Variants in TRPM3 observed in about 807,000 individuals in gnomAD.
TRPM3 encodes long transient receptor potential channel 3.
TRPM3 carries 77 observed loss-of-function variants against 181.2 expected under a neutral mutation model. The observed-to-expected ratio is 0.42, with a 90% CI of 0.35 to 0.51. The LOEUF (loss-of-function observed/expected upper bound fraction) is 0.51, where lower values mean the gene tolerates loss of function less well. Among genes scored for constraint, TRPM3 ranks in the 20% least tolerant of loss-of-function variants. The pLI is 0.01. For missense variants in TRPM3, 1,759 were observed against 2,196.7 expected (o/e 0.80, Z 3.98); for synonymous variants, 745 against 796.4 (o/e 0.94, Z 1.09).
At chr9:71,082,526 A>G (rs772546629) in intron 1 of TRPM3, among the ~76,000 whole-genome samples, 3 of 152,166 alleles carry the variant, frequency 2.0e-5, no homozygotes, top group Admixed American at 6.6e-5. Flanking sequence ...TTTGATGTTA[A>G]GACATAAGTC....
chr9:71,288,094 G>A lies in TRPM3; in HGVS notation c.183+158559C>T, dbSNP rs375902006. 8.0e-4 allele frequency among the ~76,000 whole-genome samples: 122 copies of A among 151,924 alleles called. 1 individual carries two copies. The South Asian group carries it at 0.025, about 32-fold the overall frequency. On this transcript the variant is annotated intron_variant, in intron 1 of 24. Coordinates refer to the TRPM3 transcript ENST00000357533. ...GTTAAATATTTTTTGTTGGCTTGATGGAAGTTTTACAACATTTGCTTTCTT... is the reference window on the plus strand; with the variant it reads ...GTTAAATATTTTTTGTTGGCTTGATAGAAGTTTTACAACATTTGCTTTCTT...
At chr9:71,344,460 A>T (rs1052996154) in intron 1 of TRPM3, among the ~76,000 whole-genome samples, 1 of 152,166 alleles carries the variant, frequency 6.6e-6, no homozygotes, top group Non-Finnish European at 1.5e-5. Context: ...CAAAAAAAAA[A>T]AATTAACTGG....
intron 9 of TRPM3, among the ~76,000 whole-genome samples, chr9:70,645,792 G>A (rs1457744745): frequency 1.3e-5 from 2 of 151,818 alleles, no homozygotes; most frequent in African/African-American, 4.8e-5. Context: ...GAGTGATCAG[G>A]CAACCTACAG....
At position 70,616,591 on chromosome 9, in the gene TRPM3, C is replaced by T. The variant is rs182698113; in HGVS notation, c.2359-516G>A. Among the ~76,000 whole-genome samples the T allele has an allele frequency of 1.6e-3, 211 of 132,858 alleles. 2 individuals are homozygous for T. Among genetic ancestry groups the T allele is most frequent in the African/African-American group, 5.6e-3 (200 of 35,766 alleles). 87.2% of individuals were successfully genotyped at this position (132,858 alleles called of 152,430 possible). A position where few individuals can be genotyped will look rare whatever the true frequency, so the allele number is the denominator to read the frequency against. ...ATCTCTGCAAAAAAAAAAAAAAATG[C>T]TGTCCTAAGTTGACCTTGAGAGAAT... On this transcript the variant is annotated intron_variant, in intron 17 of 25. Transcript: ENST00000677713.
intron 1 of TRPM3, among the ~76,000 whole-genome samples, chr9:71,133,292 C>CTTTTTTTTTTTT (rs761379173): frequency 0.011 from 779 of 72,322 alleles, 154 homozygotes; most frequent in Non-Finnish European, 0.015. Context: ...TAGCAAATTG[C>CTTTTTTTTTTTT]TTTTTTTTTT....
At chr9:71,279,121 A>T (rs1565414442) in intron 1 of TRPM3, among the ~76,000 whole-genome samples, 1 of 151,804 alleles carries the variant, frequency 6.6e-6, no homozygotes, top group Non-Finnish European at 1.5e-5. Flanking sequence ...TTGCTGAAGA[A>T]TACCCCATAG....
intron 1 of TRPM3, among the ~76,000 whole-genome samples, chr9:71,169,851 A>C (rs2076753782): frequency 6.6e-6 from 1 of 151,402 alleles, no homozygotes; most frequent in Middle Eastern, 3.4e-3. Flanking sequence ...TTTTATAAAA[A>C]TTAGCCGGGC....
At chr9:70,857,997 T>G (rs945723240) in intron 3 of TRPM3, among the ~76,000 whole-genome samples, 1 of 152,160 alleles carries the variant, frequency 6.6e-6, no homozygotes, top group Admixed American at 6.5e-5. Flanking sequence ...AGAGTGCTCC[T>G]GAGCAGAGAT....
chr9:71,019,667 T>C (rs1363828185), intron 1 of TRPM3, among the ~76,000 whole-genome samples: 18 of 152,116 alleles, frequency 1.2e-4, no homozygotes, highest in Admixed American at 7.2e-4. Flanking sequence ...AATTGACCTA[T>C]AGATTCAATG....
chr9:71,232,528 T>C (rs2081124121), intron 1 of TRPM3, among the ~76,000 whole-genome samples: 1 of 115,806 alleles, frequency 8.6e-6, no homozygotes, highest in Non-Finnish European at 1.7e-5. Flanking sequence ...TGAGACAGGG[T>C]CTTGCTCTGT....
At chr9:70,827,759 T>C in intron 6 of TRPM3, 88 bp downstream of exon 6, 1 of 1,469,952 alleles carries the variant, frequency 6.8e-7, no homozygotes, top group Non-Finnish European at 9.2e-7. Flanking sequence ...GCTCAAGTTT[T>C]TATTACATTG....
intron 8 of TRPM3, among the ~76,000 whole-genome samples, chr9:70,700,825 T>C (rs933265019): frequency 6.6e-6 from 1 of 152,224 alleles, no homozygotes; most frequent in Non-Finnish European, 1.5e-5. Context: ...TACAATGGTT[T>C]TGTGAATCAC....
chr9:71,288,159 C>T (rs933597980), intron 1 of TRPM3, among the ~76,000 whole-genome samples: 15 of 151,132 alleles, frequency 9.9e-5, no homozygotes, highest in East Asian at 1.9e-4. Flanking sequence ...CTCTAAACCC[C>T]GATATTAAAT....
intron 1 of TRPM3, among the ~76,000 whole-genome samples, chr9:70,876,573 A>G (rs564676760): frequency 1.3e-5 from 2 of 151,942 alleles, no homozygotes; most frequent in East Asian, 1.9e-4. Flanking sequence ...AAAAATACAG[A>G]TTTAGTTTCC....
intron 1 of TRPM3, among the ~76,000 whole-genome samples, chr9:71,086,557 C>T (rs1485302573): frequency 6.6e-6 from 1 of 151,922 alleles, no homozygotes; most frequent in Non-Finnish European, 1.5e-5. Flanking sequence ...GTATCAAAGA[C>T]CTGCATATCC....
intron 7 of TRPM3, among the ~76,000 whole-genome samples, chr9:70,783,291 G>T (rs953189602): frequency 2.0e-5 from 3 of 152,158 alleles, no homozygotes; most frequent in Non-Finnish European, 4.4e-5. Flanking sequence ...AATTTCATGT[G>T]TTAGGGGAAT....
intron 1 of TRPM3, among the ~76,000 whole-genome samples, chr9:70,969,756 TTATATA>T (rs78938143): frequency 3.2e-5 from 4 of 126,590 alleles, no homozygotes; most frequent in Admixed American, 1.6e-4. Flanking sequence ...CTGAATGATT[TTATATA>T]TATATATATA....
chr9:71,333,375 C>T (rs192805466), intron 1 of TRPM3, among the ~76,000 whole-genome samples: 1 of 152,058 alleles, frequency 6.6e-6, no homozygotes, highest in East Asian at 1.9e-4. Context: ...GTGGGTTGAA[C>T]ATAGAGATTT....
At chr9:70,793,574 C>T (rs1377433270) in intron 6 of TRPM3, 1 of 468,992 alleles carries the variant, frequency 2.1e-6, no homozygotes, top group Non-Finnish European at 4.4e-6. Flanking sequence ...CCTTTATGTA[C>T]TTTGCATGAG....
Sources: gnomAD v4.1 joint callset for allele counts (sites outside exome capture counted in the v4.1 genomes callset) on GRCh38, gnomAD v4.1.1 for gene constraint, MANE v1.5 for transcripts, NCBI Gene and HGNC (gene_info 2026-07-23, HGNC 2026-07-21) for gene names.